THEMIS: variants seen among roughly 807,000 people sequenced by gnomAD.
The protein encoded by THEMIS is protein THEMIS.
Under a neutral mutation model 52.6 loss-of-function variants are expected in THEMIS, and 37 were observed. The observed-to-expected ratio is 0.70, with a 90% CI of 0.54 to 0.93. The LOEUF (loss-of-function observed/expected upper bound fraction) is 0.93. Among genes scored for constraint, THEMIS ranks in the 40% least tolerant of loss-of-function variants. The pLI, the probability that THEMIS is intolerant of heterozygous loss-of-function variation, is 0.00. For missense variants in THEMIS, 808 were observed against 763.1 expected (o/e 1.06, Z -0.69); for synonymous variants, 292 against 272.7 (o/e 1.07, Z -0.70).
chr6:127,753,711 T>C (rs1386887128), intron 4 of THEMIS, among the ~76,000 whole-genome samples: 6 of 152,004 alleles, frequency 3.9e-5, no homozygotes, highest in Non-Finnish European at 2.9e-5. Flanking sequence ...TAATAGAATA[T>C]AGACTATAAT....
chr6:127,741,066 G>A (rs1164829413), intron 4 of THEMIS, among the ~76,000 whole-genome samples: 1 of 152,114 alleles, frequency 6.6e-6, no homozygotes, highest in Non-Finnish European at 1.5e-5. Context: ...TACAAATACT[G>A]TAGCTCTGTA....
At chr6:127,798,407 G>T (rs1034533878) in intron 4 of THEMIS, among the ~76,000 whole-genome samples, 7 of 152,042 alleles carry the variant, frequency 4.6e-5, no homozygotes, top group African/African-American at 1.7e-4. Flanking sequence ...ACATTGTGCA[G>T]GTTAGTTACA....
chr6:127,825,295 G>A (rs1778470322), intron 3 of THEMIS, among the ~76,000 whole-genome samples: 1 of 152,166 alleles, frequency 6.6e-6, no homozygotes, highest in South Asian at 2.1e-4. Context: ...TATTCAGATT[G>A]AAAACTGTCA....
rs1008995162 is a variant in THEMIS, at chr6:127,878,500, T to A, written c.91+22342A>T. Among the ~76,000 whole-genome samples, 8 of 152,320 alleles carry A rather than the reference T, an allele frequency of 5.3e-5. No homozygotes were observed. The South Asian group carries it at 1.7e-3, about 32-fold the overall frequency. The stretch of plus-strand genomic sequence containing the variant: ...GGCAAAATTTGATGTTAGACTTTTT[T>A]TGGTTGTACTAGGCCTTCAGGTTTA... On this transcript the variant is annotated intron_variant, in intron 1 of 5. Transcript: ENST00000368248.
intron 4 of THEMIS, among the ~76,000 whole-genome samples, chr6:127,789,979 C>T (rs926448629): frequency 6.6e-6 from 1 of 152,198 alleles, no homozygotes; most frequent in Non-Finnish European, 1.5e-5. Flanking sequence ...GACAAGGATG[C>T]CCTGTCTCAC....
intron 1 of THEMIS, among the ~76,000 whole-genome samples, chr6:127,897,172 G>A (rs1198069192): frequency 1.3e-5 from 2 of 151,302 alleles, no homozygotes; most frequent in Non-Finnish European, 3.0e-5. Flanking sequence ...ATAGACTACA[G>A]ATCTGAAGGT....
At chr6:127,845,593 C>T (rs1779186160) in intron 2 of THEMIS, among the ~76,000 whole-genome samples, 1 of 151,846 alleles carries the variant, frequency 6.6e-6, no homozygotes, top group Non-Finnish European at 1.5e-5. Context: ...AGCTCAATCC[C>T]AGAGAATTGT....
At chr6:127,892,020 C>G (rs1460763436) in intron 1 of THEMIS, among the ~76,000 whole-genome samples, 1 of 152,164 alleles carries the variant, frequency 6.6e-6, no homozygotes, top group Non-Finnish European at 1.5e-5. Flanking sequence ...ATTCAAGTCT[C>G]TGCTCCAAAA....
chr6:127,727,466 C>A (rs1774589816), intron 4 of THEMIS, among the ~76,000 whole-genome samples: 1 of 152,126 alleles, frequency 6.6e-6, no homozygotes, highest in Non-Finnish European at 1.5e-5. Flanking sequence ...CTGCAGATGA[C>A]AGATGGGAAC....
chr6:127,698,900 T>C, the THEMIS span, among the ~76,000 whole-genome samples: 1 of 152,036 alleles, frequency 6.6e-6, no homozygotes, highest in East Asian at 1.9e-4. Context: ...CTGTTGTTAA[T>C]TTTTCACTTT....
intron 1 of THEMIS, among the ~76,000 whole-genome samples, chr6:127,891,928 T>C (rs1780824997): frequency 6.6e-6 from 1 of 152,186 alleles, no homozygotes; most frequent in Admixed American, 6.6e-5. Context: ...AAAGCTCCTT[T>C]TGGTCCCCAG....
In THEMIS at chr6:127,709,914, G is replaced by T; in HGVS notation, c.*71C>A. The T allele has an allele frequency of 1.4e-6, 2 of 1,402,350 alleles. No individual in the cohort carries two copies. Among genetic ancestry groups the T allele is most frequent in the Non-Finnish European group, 2.0e-6 (2 of 1,014,350 alleles). 86.9% of individuals were successfully genotyped at this position (1,402,350 alleles called of 1,614,324 possible). ...TCCATTGGGGAATACTCGTTTTTCAGCTAGAAGGCTAGCTTCTTTTTTCAC... is the reference window on the plus strand; with the variant it reads ...TCCATTGGGGAATACTCGTTTTTCATCTAGAAGGCTAGCTTCTTTTTTCAC... On this transcript the variant is annotated 3_prime_UTR_variant, in exon 6 of 6. Coordinates refer to ENST00000368248, the MANE Select transcript of THEMIS (RefSeq NM_001010923.3).
At chr6:127,840,489 G>C (rs1214234398) in intron 2 of THEMIS, among the ~76,000 whole-genome samples, 1 of 152,064 alleles carries the variant, frequency 6.6e-6, no homozygotes, top group Admixed American at 6.6e-5. Flanking sequence ...TGCTAGATGA[G>C]TCTGGTGATG....
At chr6:127,869,773 C>G (rs536712351) in intron 1 of THEMIS, among the ~76,000 whole-genome samples, 1 of 152,146 alleles carries the variant, frequency 6.6e-6, no homozygotes, top group Non-Finnish European at 1.5e-5. Flanking sequence ...TCTCTTTAGC[C>G]AAAGGGCTAG....
At chr6:127,880,539 T>G in intron 1 of THEMIS, among the ~76,000 whole-genome samples, 1 of 150,660 alleles carries the variant, frequency 6.6e-6, no homozygotes, top group East Asian at 1.9e-4. Flanking sequence ...TTTGAATATG[T>G]TTTAAGCTTT....
chr6:127,730,399 G>A (rs557786066), intron 4 of THEMIS, among the ~76,000 whole-genome samples: 9 of 146,832 alleles, frequency 6.1e-5, no homozygotes. Flanking sequence ...AGAAAAGGAA[G>A]GAAGGAAGGA....
chr6:127,721,308 T>C (rs573826394), intron 4 of THEMIS, among the ~76,000 whole-genome samples: 2 of 152,134 alleles, frequency 1.3e-5, no homozygotes, highest in South Asian at 4.1e-4. Context: ...CCATTATGTT[T>C]TTCTGGTGGT....
At chr6:127,819,118 TAAAAAAAAAAA>T (rs142123167) in intron 3 of THEMIS, among the ~76,000 whole-genome samples, 2 of 19,470 alleles carry the variant, frequency 1.0e-4, no homozygotes, top group African/African-American at 2.0e-4. Flanking sequence ...AGACTCTGTC[TAAAAAAAAAAA>T]AAAAAAAAAA....
At chr6:127,733,042 T>A (rs560589891) in intron 4 of THEMIS, among the ~76,000 whole-genome samples, 92 of 152,332 alleles carry the variant, frequency 6.0e-4, no homozygotes, top group African/African-American at 2.2e-3. Context: ...GTTCGTGTTA[T>A]CTCCTCATTG....
Sources: gnomAD v4.1 joint callset for allele counts (sites outside exome capture counted in the v4.1 genomes callset) on GRCh38, gnomAD v4.1.1 for gene constraint, MANE v1.5 for transcripts, NCBI Gene and HGNC (gene_info 2026-07-23, HGNC 2026-07-21) for gene names.